Variants in CALCRL observed in about 807,000 individuals in gnomAD.
CALCRL encodes calcitonin receptor like receptor.
CALCRL carries 27 observed loss-of-function variants against 60.4 expected under a neutral mutation model. The ratio of observed to expected loss-of-function variants is 0.45; its 90% CI spans 0.33 to 0.62. CALCRL has a LOEUF of 0.62. Ranked by LOEUF, CALCRL falls within the 20% of genes least tolerant of loss-of-function variation. The pLI is 0.03. For missense variants in CALCRL, 424 were observed against 540.7 expected (o/e 0.78, Z 2.14); for synonymous variants, 190 against 182.6 (o/e 1.04, Z -0.33).
At chr2:187,398,978 C>G (rs1688769894) in intron 1 of CALCRL, among the ~76,000 whole-genome samples, 1 of 151,490 alleles carries the variant, frequency 6.6e-6, no homozygotes, top group Non-Finnish European at 1.5e-5. Flanking sequence ...CGTTTTATGC[C>G]TAACTGATTT....
intron 1 of CALCRL, among the ~76,000 whole-genome samples, chr2:187,438,358 A>G (rs1690739738): frequency 6.6e-6 from 1 of 152,214 alleles, no homozygotes; most frequent in African/African-American, 2.4e-5. Context: ...GACAGTTGGC[A>G]TTGTTTTTAG....
At chr2:187,395,002 T>C (rs1310276638) in intron 1 of CALCRL, among the ~76,000 whole-genome samples, 1 of 152,086 alleles carries the variant, frequency 6.6e-6, no homozygotes, top group Non-Finnish European at 1.5e-5. Context: ...ATGCTAGATA[T>C]AAAAAACTTG....
chr2:187,410,810 G>A (rs957188839), intron 1 of CALCRL, among the ~76,000 whole-genome samples: 4 of 152,038 alleles, frequency 2.6e-5, no homozygotes, highest in African/African-American at 4.8e-5. Context: ...TTGATAATCT[G>A]TGCCTTTGTA....
intron 12 of CALCRL, among the ~76,000 whole-genome samples, chr2:187,357,452 A>G (rs986810156): frequency 7.3e-6 from 1 of 136,420 alleles, no homozygotes; most frequent in Admixed American, 7.3e-5. Flanking sequence ...GAGTTGAACA[A>G]TGAGAAAATA....
intron 1 of CALCRL, among the ~76,000 whole-genome samples, chr2:187,395,544 A>G (rs1469559285): frequency 1.3e-5 from 2 of 152,110 alleles, no homozygotes; most frequent in East Asian, 1.9e-4. Context: ...TTAAATGAAG[A>G]AAACTTCTTC....
chr2:187,431,242 T>G (rs1218852653), intron 1 of CALCRL: 2 of 154,850 alleles, frequency 1.3e-5, no homozygotes, highest in Admixed American at 6.5e-5. Context: ...TTACTGGAAA[T>G]GCAACATGTT....
At position 187,350,337 on chromosome 2, in the gene CALCRL, G is replaced by A. The variant is rs1323537832; in HGVS notation, c.1170+1583C>T. On this transcript the variant is annotated intron_variant, in intron 14 of 14. Transcript: ENST00000392370. ...GTAGCATTTAGGGTTGTCTAATTCA[G>A]TGTATATAACATTAAATTTATAGAG... Among the ~76,000 whole-genome samples the A allele has an allele frequency of 2.0e-5, 3 of 151,360 alleles. No homozygotes were observed. In the Admixed American group the frequency reaches 2.0e-4, roughly 10 times the overall value.
intron 1 of CALCRL, among the ~76,000 whole-genome samples, chr2:187,446,785 G>T (rs557289446): frequency 1.4e-4 from 22 of 151,848 alleles, no homozygotes; most frequent in Non-Finnish European, 2.8e-4. Context: ...ACAAATCTAA[G>T]AATTAATTTA....
intron 1 of CALCRL, among the ~76,000 whole-genome samples, chr2:187,404,651 A>G (rs1482190934): frequency 1.3e-5 from 2 of 151,318 alleles, no homozygotes; most frequent in Non-Finnish European, 3.0e-5. Context: ...TCCAGTGAGG[A>G]GTTTCCTTAC....
chr2:187,414,514 C>T (rs1005550192), intron 1 of CALCRL, among the ~76,000 whole-genome samples: 38 of 152,220 alleles, frequency 2.5e-4, no homozygotes, highest in African/African-American at 7.2e-4. Context: ...TTATTAGCTG[C>T]CAAGCCTGGA....
chr2:187,360,369 A>G (rs1244691836), intron 10 of CALCRL, among the ~76,000 whole-genome samples: 1 of 152,062 alleles, frequency 6.6e-6, no homozygotes, highest in Non-Finnish European at 1.5e-5. Context: ...GGCATATTCA[A>G]TAGAAAAAAA....
At chr2:187,365,937 A>C (rs146832708) in intron 8 of CALCRL, among the ~76,000 whole-genome samples, 117 of 152,280 alleles carry the variant, frequency 7.7e-4, no homozygotes, top group African/African-American at 2.6e-3. Flanking sequence ...AAAGGATACA[A>C]AATTACAGCT....
At chr2:187,418,826 TTC>T (rs1305000369) in intron 1 of CALCRL, among the ~76,000 whole-genome samples, 5 of 151,364 alleles carry the variant, frequency 3.3e-5, no homozygotes, top group Admixed American at 3.3e-4. Flanking sequence ...TCATAATAAT[TTC>T]TTAGAAACTT....
intron 1 of CALCRL, among the ~76,000 whole-genome samples, chr2:187,416,813 C>T (rs1158474262): frequency 6.6e-6 from 1 of 151,992 alleles, no homozygotes; most frequent in African/African-American, 2.4e-5. Flanking sequence ...TGGCAAGTTG[C>T]AAAGGGCTGT....
intron 1 of CALCRL, among the ~76,000 whole-genome samples, chr2:187,408,724 G>A (rs1022951418): frequency 1.3e-5 from 2 of 151,684 alleles, no homozygotes; most frequent in African/African-American, 4.8e-5. Context: ...AACCTACCAG[G>A]AAAATTTTAA....
In CALCRL at chr2:187,380,660, T is replaced by C; in HGVS notation, c.295+17A>G. On this transcript the variant is annotated intron_variant, in intron 6 of 14. Coordinates refer to ENST00000392370, the MANE Select transcript of CALCRL (RefSeq NM_005795.6). The stretch of plus-strand genomic sequence containing the variant: ...AATAGATGTCAAGGAGATATGTAGA[T>C]ACATTTCTGCTTTTACCTGATGGAT... 1 of 1,599,412 alleles carries C rather than the reference T, an allele frequency of 6.3e-7. No individual in the cohort carries two copies. The highest frequency in any genetic ancestry group is 8.6e-7 in the Non-Finnish European group (1 of 1,166,644).
At chr2:187,375,203 C>T (rs1417730161) in intron 8 of CALCRL, among the ~76,000 whole-genome samples, 1 of 143,746 alleles carries the variant, frequency 7.0e-6, no homozygotes, top group Admixed American at 7.4e-5. Flanking sequence ...ACCCGGGAAG[C>T]GGAGCTTGCA....
chr2:187,377,226 G>T (rs6434219), intron 8 of CALCRL, among the ~76,000 whole-genome samples: 103,817 of 151,880 alleles, frequency 0.68, 35,653 homozygotes, highest in East Asian at 0.87. Context: ...GGCTGCCTTG[G>T]TTAGAATTAA....
chr2:187,383,847 T>A (rs576558330), intron 4 of CALCRL, among the ~76,000 whole-genome samples: 1 of 152,306 alleles, frequency 6.6e-6, no homozygotes, highest in East Asian at 1.9e-4. Flanking sequence ...TGTTGGTAAA[T>A]AGAAATTTTT....
Sources: gnomAD v4.1 joint callset for allele counts (sites outside exome capture counted in the v4.1 genomes callset) on GRCh38, gnomAD v4.1.1 for gene constraint, MANE v1.5 for transcripts, NCBI Gene and HGNC (gene_info 2026-07-23, HGNC 2026-07-21) for gene names.